PLD5: variants seen among roughly 807,000 people sequenced by gnomAD.
The protein encoded by PLD5 is inactive phospholipase D5.
PLD5 carries 36 observed loss-of-function variants against 61.1 expected under a neutral mutation model. The ratio of observed to expected loss-of-function variants is 0.59; its 90% confidence interval spans 0.45 to 0.78. The LOEUF (loss-of-function observed/expected upper bound fraction) is 0.78. Among genes scored for constraint, PLD5 ranks in the 30% least tolerant of loss-of-function variants. The probability of loss-of-function intolerance (pLI) is 0.00; values close to 1 mark genes in which losing one functional copy is unlikely to be tolerated. For synonymous variants in PLD5, 243 were observed against 242.8 expected, an observed-to-expected ratio of 1.00 and a Z score of -0.01; for missense variants, 515 against 644.4, an observed-to-expected ratio of 0.80 and a Z score of 2.17.
intron 1 of PLD5, among the ~76,000 whole-genome samples, chr1:242,392,594 A>G (rs372631703): frequency 6.6e-6 from 1 of 152,066 alleles, no homozygotes; most frequent in African/African-American, 2.4e-5. Flanking sequence ...TCAGAGGAAA[A>G]ACCTGTCTGG....
chr1:242,394,280 G>A (rs1663222951), intron 1 of PLD5, among the ~76,000 whole-genome samples: 1 of 93,126 alleles, frequency 1.1e-5, no homozygotes, highest in African/African-American at 4.7e-5. Flanking sequence ...ATATATATGT[G>A]TATATATATG....
intron 3 of PLD5, among the ~76,000 whole-genome samples, chr1:242,267,014 G>T (rs7546798): frequency 0.15 from 22,890 of 150,474 alleles, 2,556 homozygotes; most frequent in East Asian, 0.52. Context: ...CTACCCTGGA[G>T]GCTGAGGCAG....
intron 1 of PLD5, among the ~76,000 whole-genome samples, chr1:242,498,046 C>G (rs1280101184): frequency 2.6e-5 from 4 of 152,150 alleles, no homozygotes; most frequent in Non-Finnish European, 5.9e-5. Flanking sequence ...CTCACTGCAA[C>G]CTCCACCTCC....
At chr1:242,141,801 C>A (rs573192811) in intron 5 of PLD5, among the ~76,000 whole-genome samples, 1 of 152,290 alleles carries the variant, frequency 6.6e-6, no homozygotes, top group African/African-American at 2.4e-5. Context: ...GCAGCCTCCC[C>A]TAGAATGAAT....
intron 5 of PLD5, among the ~76,000 whole-genome samples, chr1:242,185,837 G>GATGAAAAAGCCTC: frequency 6.6e-6 from 1 of 151,938 alleles, no homozygotes; most frequent in Middle Eastern, 3.4e-3. Flanking sequence ...TCTTGGACAG[G>GATGAAAAAGCCTC]ATGAAAAAGC....
intron 1 of PLD5, chr1:242,449,525 T>G: frequency 6.8e-7 from 1 of 1,477,608 alleles, no homozygotes; most frequent in Non-Finnish European, 8.9e-7. Flanking sequence ...CTCAATGCTT[T>G]GGAAATCAGC....
chr1:242,422,430 CATAGCCAACT>C (rs780734856), intron 1 of PLD5, among the ~76,000 whole-genome samples: 6 of 152,136 alleles, frequency 3.9e-5, no homozygotes, highest in Non-Finnish European at 8.8e-5. Flanking sequence ...GTGGATAATG[CATAGCCAACT>C]ATAATAAATT....
chr1:242,292,891 A>G (rs919039023), intron 2 of PLD5, among the ~76,000 whole-genome samples: 1 of 151,060 alleles, frequency 6.6e-6, no homozygotes, highest in African/African-American at 2.4e-5. Context: ...TCACTTTAAC[A>G]CTTTCAGTTT....
At chr1:242,100,621 T>G in intron 9 of PLD5, 47 bp downstream of exon 9, 1 of 1,429,298 alleles carries the variant, frequency 7.0e-7, no homozygotes, top group African/African-American at 1.4e-5. Context: ...GGACTACCAC[T>G]CCCTGGGTGA....
intron 1 of PLD5, among the ~76,000 whole-genome samples, chr1:242,497,791 T>C (rs1278571485): frequency 2.0e-5 from 3 of 152,330 alleles, no homozygotes; most frequent in Admixed American, 6.5e-5. Flanking sequence ...ATTTATAATG[T>C]CCTCACATAT....
intron 1 of PLD5, among the ~76,000 whole-genome samples, chr1:242,389,725 T>C (rs551567709): frequency 1.3e-5 from 2 of 152,162 alleles, no homozygotes; most frequent in South Asian, 4.2e-4. Context: ...CAGCAGCCTC[T>C]CTACAGTGAC....
intron 5 of PLD5, among the ~76,000 whole-genome samples, chr1:242,156,479 G>A (rs1665380932): frequency 6.7e-6 from 1 of 149,620 alleles, no homozygotes; most frequent in South Asian, 2.1e-4. Flanking sequence ...TGTTTTTGCA[G>A]TGGCTGGTAC....
chr1:242,293,775 G>T (rs914529990), intron 2 of PLD5, among the ~76,000 whole-genome samples: 2 of 152,178 alleles, frequency 1.3e-5, no homozygotes, highest in African/African-American at 4.8e-5. Context: ...TGGAAATAAT[G>T]ATCCTATTTA....
At chr1:242,150,963 T>C (rs1453666522) in intron 5 of PLD5, among the ~76,000 whole-genome samples, 2 of 151,792 alleles carry the variant, frequency 1.3e-5, no homozygotes, top group African/African-American at 4.8e-5. Context: ...TTATGCATTA[T>C]TTAAAATTTT....
chr1:242,232,462 A>G (rs529851828), intron 4 of PLD5, among the ~76,000 whole-genome samples: 1 of 152,152 alleles, frequency 6.6e-6, no homozygotes, highest in East Asian at 1.9e-4. Flanking sequence ...ATTTGGGGGG[A>G]TATGTACCTT....
At chr1:242,160,435 A>AGTT (rs1665733128) in intron 5 of PLD5, among the ~76,000 whole-genome samples, 2 of 152,176 alleles carry the variant, frequency 1.3e-5, no homozygotes, top group Non-Finnish European at 2.9e-5. Flanking sequence ...GTTCAACATA[A>AGTT]CATTCCTGAG....
intron 5 of PLD5, among the ~76,000 whole-genome samples, chr1:242,162,933 G>C (rs1451029007): frequency 1.3e-5 from 2 of 151,960 alleles, no homozygotes; most frequent in Non-Finnish European, 1.5e-5. Flanking sequence ...AAGAATATTA[G>C]CAATAATCAA....
chr1:242,346,019 C>CG (rs1337554915), intron 2 of PLD5, among the ~76,000 whole-genome samples: 2 of 100,658 alleles, frequency 2.0e-5, no homozygotes, highest in African/African-American at 7.9e-5. Flanking sequence ...GATCTCCCCC[C>CG]CCCCCATATA....
intron 5 of PLD5, among the ~76,000 whole-genome samples, chr1:242,162,108 C>G (rs2148847771): frequency 6.6e-6 from 1 of 152,170 alleles, no homozygotes; most frequent in South Asian, 2.1e-4. Flanking sequence ...GACATTTATT[C>G]AATTAACAAG....
Sources: allele counts gnomAD v4.1 joint callset (sites outside exome capture counted in the v4.1 genomes callset), GRCh38; gene constraint gnomAD v4.1.1; transcripts MANE v1.5; gene names NCBI Gene and HGNC (gene_info 2026-07-23, HGNC 2026-07-21).